The following SRD5A2 variants were observed in gnomAD, a reference collection of about 807,000 sequenced individuals.
The protein encoded by SRD5A2 is steroid 5 alpha-reductase 2, also known as 3-oxo-5-alpha-steroid 4-dehydrogenase 2.
A neutral mutation model predicts 27.4 loss-of-function variants in SRD5A2; 30 were observed. The ratio of observed to expected loss-of-function variants is 1.10; its 90% CI spans 0.82 to 1.49. The LOEUF is 1.49. Ranked by LOEUF, SRD5A2 falls within the 40% of genes most tolerant of loss-of-function variation. SRD5A2 has a pLI of 0.00. For missense variants in SRD5A2, 348 were observed against 323.4 expected, an observed-to-expected ratio of 1.08 and a Z score of -0.58; for synonymous variants, 141 against 133.6, an observed-to-expected ratio of 1.06 and a Z score of -0.38.
intron 1 of SRD5A2, among the ~76,000 whole-genome samples, chr2:31,539,531 A>C (rs1435448311): frequency 6.6e-6 from 1 of 152,198 alleles, no homozygotes; most frequent in East Asian, 1.9e-4. Flanking sequence ...GCTGTGTCAG[A>C]AAAGGCTGGG....
At chr2:31,584,554 T>C (rs1033678895), upstream of SRD5A2, among the ~76,000 whole-genome samples, 6 of 152,304 alleles carry the variant, frequency 3.9e-5, no homozygotes, top group African/African-American at 1.4e-4. Context: ...TTACGTAAGC[T>C]ACCTATACTT....
chr2:31,539,668 G>A (rs551690722), intron 1 of SRD5A2, among the ~76,000 whole-genome samples: 177 of 152,300 alleles, frequency 1.2e-3, no homozygotes, highest in African/African-American at 4.1e-3. Flanking sequence ...GGTAGTATCA[G>A]AGAAGCCCTA....
In SRD5A2 at chr2:31,563,667, A is replaced by C. The variant is rs374774774; in HGVS notation, c.281+16953T>G. On this transcript the variant is annotated intron_variant, in intron 1 of 4. Transcript: ENST00000622030. Reference sequence around the variant, plus strand: ...GACAGAGACACACGGAGACCTGCAGAGAATTTTCCTCAAGTATTAGCAGAG... The same window carrying C: ...GACAGAGACACACGGAGACCTGCAGCGAATTTTCCTCAAGTATTAGCAGAG... Among the ~76,000 whole-genome samples, 3 of 152,272 alleles carry C rather than the reference A, an allele frequency of 2.0e-5. No individual in the cohort carries two copies. The South Asian group carries it at 6.2e-4, about 32-fold the overall frequency.
the SRD5A2 span, among the ~76,000 whole-genome samples, chr2:31,642,198 C>T: frequency 1.3e-5 from 2 of 152,014 alleles, no homozygotes; most frequent in African/African-American, 4.8e-5. Flanking sequence ...ATATACCAAA[C>T]ATATGGATTT....
chr2:31,567,456 G>GTGTGTGTGTA (rs143408801), intron 1 of SRD5A2, among the ~76,000 whole-genome samples: 11,125 of 140,124 alleles, frequency 0.079, 499 homozygotes, highest in Middle Eastern at 0.16. Context: ...GTGTGTGTGT[G>GTGTGTGTGTA]TATATATATA....
intron 1 of SRD5A2, among the ~76,000 whole-genome samples, chr2:31,547,047 G>A (rs974982809): frequency 3.9e-5 from 6 of 152,182 alleles, no homozygotes; most frequent in Admixed American, 6.5e-5. Flanking sequence ...GTGGTGAGCC[G>A]AGATGGCGCC....
chr2:31,596,860 G>T, the SRD5A2 span, among the ~76,000 whole-genome samples: 1 of 152,152 alleles, frequency 6.6e-6, no homozygotes, highest in African/African-American at 2.4e-5. Flanking sequence ...CAAATGAATG[G>T]AAACATAGCT....
rs973116318 is a variant in SRD5A2, at chr2:31,529,391, G to T, written c.614C>A (p.Ala205Asp). The change falls in exon 4 of 5, where the codon GCC becomes GAC. Residue 205 changes from alanine (A) to aspartate (D), a missense_variant. Ala to Asp is a moderately radical substitution (Grantham distance 126). Coordinates refer to ENST00000622030, the MANE Select transcript of SRD5A2 (RefSeq NM_000348.4). The stretch of plus-strand genomic sequence containing the variant: ...TGCTGGGAGGGACCAAGTGGCCAGG[G>T]CATAGCCGATCCATTCAATGATCTC... ...LGEIIEWIGYALATWSLPALA... is the reference protein window; with the variant it reads ...LGEIIEWIGYDLATWSLPALA... The T allele has an allele frequency of 1.2e-6, 2 of 1,613,916 alleles. No homozygotes were observed. The highest frequency in any genetic ancestry group is 1.1e-5 in the South Asian group (1 of 91,074).
chr2:31,601,625 C>A, the SRD5A2 span, among the ~76,000 whole-genome samples: 1 of 151,604 alleles, frequency 6.6e-6, no homozygotes, highest in African/African-American at 2.4e-5. Context: ...AAACTTCAGG[C>A]CAATATCCCT....
chr2:31,636,033 T>C, the SRD5A2 span, among the ~76,000 whole-genome samples: 1 of 152,108 alleles, frequency 6.6e-6, no homozygotes, highest in Admixed American at 6.6e-5. Context: ...TCAGGAACTT[T>C]TGTTATTCCA....
chr2:31,649,796 T>G, the SRD5A2 span, among the ~76,000 whole-genome samples: 4 of 152,130 alleles, frequency 2.6e-5, no homozygotes. Flanking sequence ...ATTCACATAA[T>G]ATATAACGGG....
chr2:31,526,305 T>C (rs1414504974), intron 4 of SRD5A2, 43 bp from the exon 5 acceptor site: 2 of 1,287,022 alleles, frequency 1.6e-6, no homozygotes, highest in Admixed American at 2.0e-5. Flanking sequence ...AATGGAGCAG[T>C]GGCTGACAGC....
At chr2:31,570,848 G>A (rs757966499) in intron 1 of SRD5A2, among the ~76,000 whole-genome samples, 15 of 152,014 alleles carry the variant, frequency 9.9e-5, no homozygotes, top group Non-Finnish European at 2.2e-4. Flanking sequence ...CAATGAGAAT[G>A]ACAAAACACT....
At chr2:31,643,682 G>C in the SRD5A2 span, among the ~76,000 whole-genome samples, 1 of 152,058 alleles carries the variant, frequency 6.6e-6, no homozygotes, top group Non-Finnish European at 1.5e-5. Context: ...TGTGGCAGAA[G>C]GTAAAGAAGT....
At chr2:31,661,805 T>C in the SRD5A2 span, among the ~76,000 whole-genome samples, 2 of 152,170 alleles carry the variant, frequency 1.3e-5, no homozygotes, top group African/African-American at 4.8e-5. Context: ...TCAATATGTA[T>C]TCAATAGTGT....
At chr2:31,645,066 T>C in the SRD5A2 span, among the ~76,000 whole-genome samples, 2 of 152,214 alleles carry the variant, frequency 1.3e-5, no homozygotes, top group African/African-American at 4.8e-5. Context: ...ACAACTTGTT[T>C]TGTGTCAGCT....
the SRD5A2 span, among the ~76,000 whole-genome samples, chr2:31,656,816 G>A: frequency 2.0e-5 from 3 of 152,086 alleles, no homozygotes; most frequent in African/African-American, 7.2e-5. Context: ...AGACTAAGGT[G>A]GTCATATTGA....
the SRD5A2 span, among the ~76,000 whole-genome samples, chr2:31,617,305 AG>A: frequency 6.6e-6 from 1 of 152,150 alleles, no homozygotes; most frequent in Non-Finnish European, 1.5e-5. Flanking sequence ...ACAGGGCATC[AG>A]GTCCTGATGC....
chr2:31,645,756 C>T, the SRD5A2 span, among the ~76,000 whole-genome samples: 1 of 152,138 alleles, frequency 6.6e-6, no homozygotes. Flanking sequence ...ATATCAGCAG[C>T]ACCTACCTAG....
Sources: gnomAD v4.1 joint callset for allele counts (sites outside exome capture counted in the v4.1 genomes callset) on GRCh38, gnomAD v4.1.1 for gene constraint, MANE v1.5 for transcripts, NCBI Gene and HGNC (gene_info 2026-07-23, HGNC 2026-07-21) for gene names.